CFAP221: variants seen among roughly 807,000 people sequenced by gnomAD.
CFAP221 encodes the protein cilia- and flagella-associated protein 221.
In CFAP221, 97 loss-of-function variants were observed where a neutral mutation model predicts 113.1. The ratio of observed to expected loss-of-function variants is 0.86; its 90% CI spans 0.73 to 1.02. The LOEUF (loss-of-function observed/expected upper bound fraction) is 1.02. Among genes scored for constraint, CFAP221 ranks in the 50% least tolerant of loss-of-function variants. The pLI is 0.00. For synonymous variants in CFAP221, 331 were observed against 354.4 expected, an observed-to-expected ratio of 0.93 and a Z score of 0.74; for missense variants, 1,025 against 1,013.4, an observed-to-expected ratio of 1.01 and a Z score of -0.16.
At chr2:119,602,151 G>A (rs893634695) in intron 8 of CFAP221, among the ~76,000 whole-genome samples, 5 of 152,228 alleles carry the variant, frequency 3.3e-5, no homozygotes, top group East Asian at 1.9e-4. Flanking sequence ...AGGCTGAGAC[G>A]GGTGGATCAC....
intron 3 of CFAP221, among the ~76,000 whole-genome samples, chr2:119,553,526 T>G (rs1169944109): frequency 6.6e-6 from 1 of 152,202 alleles, no homozygotes; most frequent in Admixed American, 6.5e-5. Flanking sequence ...GTTCTCAACA[T>G]TTTCTTTCAT....
chr2:119,606,539 C>T (rs1684779224), intron 11 of CFAP221, among the ~76,000 whole-genome samples: 1 of 152,062 alleles, frequency 6.6e-6, no homozygotes, highest in Non-Finnish European at 1.5e-5. Context: ...GGGAAGTACT[C>T]CAAGGAACTG....
At chr2:119,645,576 ATGGTGCTATAAT>A (rs1348850337) in intron 21 of CFAP221, among the ~76,000 whole-genome samples, 2 of 151,896 alleles carry the variant, frequency 1.3e-5, no homozygotes, top group African/African-American at 2.4e-5. Context: ...AGTCAAAACC[ATGGTGCTATAAT>A]TTTTTTTTCA....
intron 7 of CFAP221, among the ~76,000 whole-genome samples, chr2:119,599,411 A>T (rs529415001): frequency 1.3e-5 from 2 of 152,284 alleles, no homozygotes; most frequent in Admixed American, 6.5e-5. Context: ...GGGTTCATTC[A>T]CTCATTCAAC....
At chr2:119,654,851 A>G (rs545211492) in intron 23 of CFAP221, among the ~76,000 whole-genome samples, 1 of 152,314 alleles carries the variant, frequency 6.6e-6, no homozygotes, top group East Asian at 1.9e-4. Flanking sequence ...TATTGGCTGC[A>G]TAGTATTTCA....
Position 119,587,124 on chromosome 2 carries a change from CTTATG to C in CFAP221, c.538_542del (p.Val180SerfsTer11). 1 of 1,501,488 alleles carries C rather than the reference CTTATG, an allele frequency of 6.7e-7. No individual in the cohort carries two copies. 93.0% of individuals were successfully genotyped at this position (1,501,488 alleles called of 1,614,324 possible). ...CTTTTTTGTTTGTTTTGCAGCAAAA[CTTATG>C]TTATTCCTTTGCAGTGCAGCTGCCC... is the stretch of plus-strand genomic sequence containing the variant. On this transcript the variant is annotated frameshift_variant, in exon 7 of 24. Transcript: ENST00000413369. LOFTEE classifies it high-confidence loss of function.
At chr2:119,644,119 C>T (rs537177165) in intron 21 of CFAP221, among the ~76,000 whole-genome samples, 18 of 152,068 alleles carry the variant, frequency 1.2e-4, no homozygotes, top group Non-Finnish European at 2.2e-4. Context: ...TGCCACTGCA[C>T]TCCCGCCTGG....
At chr2:119,577,183 G>A (rs1225761783) in intron 6 of CFAP221, among the ~76,000 whole-genome samples, 1 of 152,178 alleles carries the variant, frequency 6.6e-6, no homozygotes, top group Non-Finnish European at 1.5e-5. Context: ...CTCACATGGG[G>A]TGGTGGGGAG....
chr2:119,613,658 G>C (rs748351579), intron 13 of CFAP221, among the ~76,000 whole-genome samples: 16 of 152,180 alleles, frequency 1.1e-4, no homozygotes, highest in Non-Finnish European at 2.4e-4. Context: ...AAGGCCCTGG[G>C]CCCAGCCCAC....
In CFAP221 at chr2:119,589,069, G is replaced by T. The variant is rs538648056; in HGVS notation, c.631+1847G>T. 1.5e-4 allele frequency among the ~76,000 whole-genome samples: 23 copies of T among 152,312 alleles called. No homozygotes were observed. In the South Asian group the frequency reaches 2.5e-3, roughly 16 times the overall value. ...TGGACTTTGGGACCCGTCTTTTGCT[G>T]GTTTGAATGACCTGCATTGTGTGGA... On this transcript the variant is annotated intron_variant, in intron 7 of 23. Transcript: ENST00000413369.
At position 119,630,860 on chromosome 2, in the gene CFAP221, G is replaced by A. The variant is rs761656123; in HGVS notation, c.1933G>A (p.Ala645Thr). Residue 645 changes from alanine to threonine, a missense_variant, in exon 19 of 24, where the codon GCC becomes ACC. Coordinates refer to ENST00000413369, the MANE Select transcript of CFAP221 (RefSeq NM_001271049.2). ...AGTCTTGAGCATGAAACCACCTGAG[G>A]CCTTAGCCATGTCTCTAGATTATGA... The part of the protein sequence containing the change: ...TSVLSMKPPE[A>T]LAMSLDYDPL... 3.1e-6 allele frequency: 5 copies of A among 1,613,392 alleles called. No individual in the cohort carries two copies. Among genetic ancestry groups the A allele is most frequent in the African/African-American group, 2.7e-5 (2 of 74,896 alleles).
At chr2:119,658,038 T>A (rs1688493830), downstream of CFAP221, among the ~76,000 whole-genome samples, 1 of 152,212 alleles carries the variant, frequency 6.6e-6, no homozygotes, top group African/African-American at 2.4e-5. Flanking sequence ...TATGCAAACA[T>A]CCTGTTTCTC....
intron 6 of CFAP221, chr2:119,580,325 T>C (rs192892563): frequency 6.6e-6 from 1 of 152,294 alleles, no homozygotes; most frequent in Non-Finnish European, 1.5e-5. Context: ...CGGTGACCCT[T>C]ATTCAGAATT....
intron 22 of CFAP221, among the ~76,000 whole-genome samples, chr2:119,648,265 T>A (rs752564256): frequency 6.6e-6 from 1 of 152,134 alleles, no homozygotes; most frequent in African/African-American, 2.4e-5. Context: ...AATAGTAACA[T>A]TATGAGAAAA....
chr2:119,653,258 A>G (rs1688235170), intron 23 of CFAP221, among the ~76,000 whole-genome samples: 1 of 151,844 alleles, frequency 6.6e-6, no homozygotes, highest in Non-Finnish European at 1.5e-5. Context: ...GCAGGTGCCT[A>G]TAATCCCAGG....
At chr2:119,655,792 A>G (rs1177234038) in intron 23 of CFAP221, among the ~76,000 whole-genome samples, 1 of 151,650 alleles carries the variant, frequency 6.6e-6, no homozygotes, top group African/African-American at 2.4e-5. Context: ...CACTGCACCC[A>G]TCAATTGATA....
rs1257518884 is a variant in CFAP221 at position 119,629,824 on chromosome 2, C to T, written c.1651-51C>T. Reference sequence around the variant, plus strand: ...AATGTAGTGGAAACAGAAGCATAGCCACTCTTGCTCAGTGGTGATTGTTCT... The same window carrying T: ...AATGTAGTGGAAACAGAAGCATAGCTACTCTTGCTCAGTGGTGATTGTTCT... On this transcript the variant is annotated intron_variant, in intron 16 of 23. Coordinates refer to ENST00000413369, the MANE Select transcript of CFAP221 (RefSeq NM_001271049.2). The T allele has an allele frequency of 2.9e-6, 4 of 1,384,970 alleles. No individual in the cohort carries two copies. The Admixed American group carries it at 7.2e-5, about 25-fold the overall frequency. 85.8% of individuals were successfully genotyped at this position (1,384,970 alleles called of 1,614,324 possible).
Position 119,563,469 on chromosome 2 carries a change from G to T in CFAP221, c.527+1355G>T, listed in dbSNP as rs372840080. On this transcript the variant is annotated intron_variant, in intron 6 of 23. Transcript: ENST00000413369. ...GTTGTTAAAATATTTAAATACTTCT[G>T]TACTGGTTGGAAAATATATACTGTC... is the stretch of plus-strand genomic sequence containing the variant. Among the ~76,000 whole-genome samples the T allele has an allele frequency of 4.9e-4, 74 of 152,242 alleles. 2 individuals carry two copies. The South Asian group carries it at 0.015, about 31-fold the overall frequency.
rs1168481997 is a variant in CFAP221, at chr2:119,626,989, T to TTCTG, written c.1517-664_1517-663insTCTG. 1.8e-4 allele frequency among the ~76,000 whole-genome samples: 28 copies of TTCTG among 151,582 alleles called. 1 individual carries two copies. Among genetic ancestry groups the TTCTG allele is most frequent in the Non-Finnish European group, 1.5e-5 (1 of 67,966 alleles). ...TGATGCCCAGCTTGGCTGGGACTGT[T>TTCTG]GGAGGCCCACTCTCGGTAGCTTCTG... On this transcript the variant is annotated intron_variant, in intron 15 of 23. Coordinates refer to ENST00000413369, the MANE Select transcript of CFAP221 (RefSeq NM_001271049.2).
Sources: allele counts gnomAD v4.1 joint callset (sites outside exome capture counted in the v4.1 genomes callset), GRCh38; gene constraint gnomAD v4.1.1; transcripts MANE v1.5; gene names NCBI Gene and HGNC (gene_info 2026-07-23, HGNC 2026-07-21).